Variants in TLK1 observed in about 807,000 individuals in gnomAD.
TLK1 encodes tousled like kinase 1, also known as serine/threonine-protein kinase tousled-like 1.
A neutral mutation model predicts 105.3 loss-of-function variants in TLK1; 24 were observed. The observed-to-expected ratio is 0.23, with a 90% confidence interval of 0.17 to 0.32. The LOEUF (loss-of-function observed/expected upper bound fraction) is 0.32. TLK1 is among the 10% of genes least tolerant of loss of function. The pLI is 1.00. For synonymous variants in TLK1, 321 were observed against 310.4 expected (o/e 1.03, Z -0.36); for missense variants, 558 against 910.5 (o/e 0.61, Z 4.98).
chr2:171,105,435 C>T (rs907756279), intron 2 of TLK1, among the ~76,000 whole-genome samples: 2 of 152,226 alleles, frequency 1.3e-5, no homozygotes, highest in African/African-American at 4.8e-5. Flanking sequence ...CCTGTAATCC[C>T]AGCACTTTGG....
chr2:171,221,348 G>A (rs1476838529), intron 1 of TLK1, among the ~76,000 whole-genome samples: 3 of 152,084 alleles, frequency 2.0e-5, no homozygotes, highest in African/African-American at 4.8e-5. Flanking sequence ...CTGGATGCTC[G>A]GCGTATGACT....
chr2:171,065,432 T>C (rs919944229), intron 3 of TLK1, among the ~76,000 whole-genome samples: 1 of 152,200 alleles, frequency 6.6e-6, no homozygotes, highest in Non-Finnish European at 1.5e-5. Context: ...TATTAAATAG[T>C]ATCCTTACAA....
chr2:171,224,633 G>T (rs952329125), intron 1 of TLK1, among the ~76,000 whole-genome samples: 2 of 152,006 alleles, frequency 1.3e-5, no homozygotes, highest in African/African-American at 4.8e-5. Context: ...TCCCCAAGTT[G>T]ATCTACAGAT....
intron 1 of TLK1, among the ~76,000 whole-genome samples, chr2:171,177,896 C>T (rs750185963): frequency 3.9e-5 from 6 of 151,982 alleles, no homozygotes; most frequent in Admixed American, 6.6e-5. Context: ...CGGGTTTAAG[C>T]GATTCTCCTA....
At chr2:171,191,375 C>G (rs774612104) in intron 1 of TLK1, among the ~76,000 whole-genome samples, 2 of 147,150 alleles carry the variant, frequency 1.4e-5, no homozygotes, top group African/African-American at 2.7e-5. Flanking sequence ...TCAAGACCAA[C>G]CTGGGCAACA....
intron 1 of TLK1, among the ~76,000 whole-genome samples, chr2:171,173,108 A>G (rs1692759590): frequency 6.6e-6 from 1 of 152,240 alleles, no homozygotes; most frequent in Non-Finnish European, 1.5e-5. Context: ...CTGTTAGTAT[A>G]GTTTTATTCA....
intron 2 of TLK1, among the ~76,000 whole-genome samples, chr2:171,115,012 T>G (rs1690348643): frequency 1.3e-5 from 2 of 152,098 alleles, no homozygotes; most frequent in South Asian, 4.1e-4. Flanking sequence ...ACTCCTAAGT[T>G]TACTTAGTTT....
intron 1 of TLK1, among the ~76,000 whole-genome samples, chr2:171,170,712 G>T (rs867180426): frequency 6.6e-6 from 1 of 152,316 alleles, no homozygotes; most frequent in Middle Eastern, 3.4e-3. Context: ...ACCAGACTTT[G>T]CATGTAGAGA....
rs554490374 is a variant in TLK1 at position 171,126,337 on chromosome 2, T to C, written c.140-8480A>G. Among the ~76,000 whole-genome samples, 11 of 152,278 alleles carry C rather than the reference T, an allele frequency of 7.2e-5. No individual in the cohort carries two copies. In the South Asian group the frequency reaches 1.9e-3, roughly 26 times the overall value. ...ATGTTTCATTTTAATAAACATGTTTTCTCTCTCTCCCTGTCTTTAAACACA... is the reference window on the plus strand; with the variant it reads ...ATGTTTCATTTTAATAAACATGTTTCCTCTCTCTCCCTGTCTTTAAACACA... On this transcript the variant is annotated intron_variant, in intron 1 of 20. Coordinates refer to ENST00000431350, the MANE Select transcript of TLK1 (RefSeq NM_012290.5).
intron 1 of TLK1, among the ~76,000 whole-genome samples, chr2:171,220,820 C>T (rs10188041): frequency 0.055 from 8,332 of 152,016 alleles, 494 homozygotes; most frequent in East Asian, 0.25. Flanking sequence ...CTCTCACCCC[C>T]TAAAAACCCT....
At chr2:171,129,388 G>A (rs1691003713) in intron 1 of TLK1, among the ~76,000 whole-genome samples, 1 of 152,100 alleles carries the variant, frequency 6.6e-6, no homozygotes, top group South Asian at 2.1e-4. Context: ...CAATAATACA[G>A]GGTGAAAGAA....
chr2:171,070,921 C>T (rs1214666051), intron 3 of TLK1, among the ~76,000 whole-genome samples: 2 of 152,206 alleles, frequency 1.3e-5, no homozygotes, highest in African/African-American at 4.8e-5. Context: ...TCTCCACATC[C>T]TTGCCAGCAT....
At chr2:171,164,194 C>T (rs1692565531), upstream of TLK1, among the ~76,000 whole-genome samples, 1 of 152,038 alleles carries the variant, frequency 6.6e-6, no homozygotes, top group African/African-American at 2.4e-5. Context: ...TTTGATAAGA[C>T]AGCACTCACC....
chr2:171,033,912 C>A (rs1183869447), intron 11 of TLK1, among the ~76,000 whole-genome samples: 1 of 148,956 alleles, frequency 6.7e-6, no homozygotes, highest in African/African-American at 2.5e-5. Context: ...AAAAAACCTC[C>A]CACAACAACA....
intron 2 of TLK1, among the ~76,000 whole-genome samples, chr2:171,097,961 G>A (rs56155601): frequency 0.11 from 17,120 of 151,620 alleles, 1,515 homozygotes; most frequent in African/African-American, 0.24. Context: ...GGGGTGGGGC[G>A]GGGAGAGAGA....
At chr2:171,044,554 G>A (rs941562880) in intron 11 of TLK1, among the ~76,000 whole-genome samples, 4 of 152,182 alleles carry the variant, frequency 2.6e-5, no homozygotes, top group Non-Finnish European at 4.4e-5. Context: ...AGAAGTATCC[G>A]ATACTCAAGA....
chr2:171,038,259 CA>C, intron 11 of TLK1, among the ~76,000 whole-genome samples: 1 of 152,042 alleles, frequency 6.6e-6, no homozygotes, highest in Non-Finnish European at 1.5e-5. Context: ...TTTTCCCCTA[CA>C]AAAATTTTAA....
chr2:171,137,660 G>GC (rs1372243983), intron 1 of TLK1, among the ~76,000 whole-genome samples: 1 of 151,868 alleles, frequency 6.6e-6, no homozygotes, highest in African/African-American at 2.4e-5. Flanking sequence ...ACCAACCTGG[G>GC]CAACATGGTG....
intron 1 of TLK1, among the ~76,000 whole-genome samples, chr2:171,217,311 T>C (rs559103037): frequency 2.0e-4 from 31 of 152,210 alleles, no homozygotes; most frequent in Non-Finnish European, 4.0e-4. Context: ...GAGTAGACAG[T>C]AGATACCATT....
Sources: allele counts gnomAD v4.1 joint callset (sites outside exome capture counted in the v4.1 genomes callset), GRCh38; gene constraint gnomAD v4.1.1; transcripts MANE v1.5; gene names NCBI Gene and HGNC (gene_info 2026-07-23, HGNC 2026-07-21).